ORC3: variants seen among roughly 807,000 people sequenced by gnomAD.
ORC3 encodes origin recognition complex subunit 3.
Under a neutral mutation model 100.7 loss-of-function variants are expected in ORC3, and 78 were observed. The ratio of observed to expected loss-of-function variants is 0.77; its 90% confidence interval spans 0.65 to 0.94. ORC3 has a LOEUF of 0.94. Ranked by LOEUF, ORC3 falls within the 40% of genes least tolerant of loss-of-function variation. The pLI is 0.00. For missense variants in ORC3, 789 were observed against 823.9 expected, an observed-to-expected ratio of 0.96 and a Z score of 0.52; for synonymous variants, 295 against 289.3, an observed-to-expected ratio of 1.02 and a Z score of -0.20.
downstream of ORC3, among the ~76,000 whole-genome samples, chr6:87,672,259 TGA>T (rs1770850473): frequency 6.6e-6 from 1 of 152,160 alleles, no homozygotes; most frequent in Admixed American, 6.5e-5. Context: ...TTTAGAAAAC[TGA>T]GTTTTGCTTT....
At chr6:87,653,937 A>C (rs766350383) in intron 14 of ORC3, among the ~76,000 whole-genome samples, 1 of 152,166 alleles carries the variant, frequency 6.6e-6, no homozygotes, top group Non-Finnish European at 1.5e-5. Flanking sequence ...CTAGCTTTTC[A>C]TGGGCTCTTC....
At chr6:87,653,000 T>C (rs1408920097) in intron 13 of ORC3, 116 bp from the exon 14 acceptor site, 2 of 770,634 alleles carry the variant, frequency 2.6e-6, no homozygotes, top group East Asian at 5.7e-5. Context: ...TAGCTACTAA[T>C]GAAGAATTTC....
chr6:87,668,565 A>T (rs2128298263), downstream of ORC3, among the ~76,000 whole-genome samples: 2 of 152,312 alleles, frequency 1.3e-5, no homozygotes, highest in South Asian at 4.1e-4. Flanking sequence ...GGAATGTAAA[A>T]GGAGGTATTA....
Position 87,590,174 on chromosome 6 carries a change from T to G in ORC3, c.6T>G (p.Ala2=). The G allele has an allele frequency of 6.2e-7, 1 of 1,614,168 alleles. No homozygotes were observed. Among genetic ancestry groups the G allele is most frequent in the Non-Finnish European group, 8.5e-7 (1 of 1,179,956 alleles). M[A]TSSMSKGCFV... The stretch of plus-strand genomic sequence containing the variant: ...TACGCAGAGTCAGTAAGACCATGGC[T>G]ACGTCCTCGATGTCTAAGGTATGTG... Residue 2 remains alanine (A), a synonymous_variant, in exon 1 of 20, where the codon GCT becomes GCG. Coordinates refer to ENST00000392844, the MANE Select transcript of ORC3 (RefSeq NM_012381.4).
chr6:87,630,868 C>G (rs1317363295), intron 11 of ORC3, among the ~76,000 whole-genome samples: 1 of 151,544 alleles, frequency 6.6e-6, no homozygotes, highest in African/African-American at 2.4e-5. Context: ...TTATGTATTG[C>G]TTTGCTTTTT....
At chr6:87,669,511 G>A (rs1471308596), downstream of ORC3, among the ~76,000 whole-genome samples, 1 of 152,170 alleles carries the variant, frequency 6.6e-6, no homozygotes, top group African/African-American at 2.4e-5. Flanking sequence ...ACAAATAGAA[G>A]CCTTGACACC....
Position 87,616,277 on chromosome 6 carries a change from C to G in ORC3, c.874-37C>G, listed in dbSNP as rs544371508. 7.8e-6 allele frequency: 6 copies of G among 770,034 alleles called. No individual in the cohort carries two copies. The South Asian group carries it at 8.9e-5, about 11-fold the overall frequency. 47.7% of individuals were successfully genotyped at this position (770,034 alleles called of 1,614,324 possible). On this transcript the variant is annotated intron_variant, in intron 8 of 19. Transcript: ENST00000392844. ...AGTATTTATGAAGAGTGAAGACTAA[C>G]AAGGAGTGTGTCCCCCTCCCTTTTA...
At chr6:87,614,232 G>A (rs879508068) in intron 8 of ORC3, among the ~76,000 whole-genome samples, 24 of 152,158 alleles carry the variant, frequency 1.6e-4, no homozygotes, top group East Asian at 5.8e-4. Context: ...CTCTGAAGCC[G>A]TGGCCCGAAC....
At chr6:87,616,187 C>G in intron 8 of ORC3, 127 bp from the exon 9 acceptor site, 1 of 424,952 alleles carries the variant, frequency 2.4e-6, no homozygotes, top group South Asian at 5.3e-5. Context: ...AAAAAACTAG[C>G]TATTATTGCA....
chr6:87,666,914 T>C (rs1770688896), intron 19 of ORC3, 104 bp from the exon 20 acceptor site: 2 of 632,052 alleles, frequency 3.2e-6, no homozygotes, highest in African/African-American at 1.9e-5. Flanking sequence ...AGTTTATATC[T>C]GAACTATCTA....
rs537005664 is a variant in ORC3 at position 87,636,047 on chromosome 6, C to T, written c.1303-360C>T. On this transcript the variant is annotated intron_variant, in intron 12 of 19. Coordinates refer to ENST00000392844, the MANE Select transcript of ORC3 (RefSeq NM_012381.4). ...GCAAGCTCCGCCTCCCAGGTTCACA[C>T]CATTCTCCTGCCTCAGCCTCCCAAG... Among the ~76,000 whole-genome samples the T allele has an allele frequency of 1.5e-4, 22 of 151,338 alleles. No homozygotes were observed. The South Asian group carries it at 4.6e-3, about 32-fold the overall frequency.
rs1562328706 is a variant in ORC3 at position 87,608,461 on chromosome 6, A to T, written c.580-635A>T. On this transcript the variant is annotated intron_variant, in intron 6 of 19. Transcript: ENST00000392844. ...TGTAGCCAGACAGTATGGGAAAAAA[A>T]ATACTGTGGTTACATTTTCCAATCA... Among the ~76,000 whole-genome samples the T allele has an allele frequency of 4.6e-5, 7 of 152,322 alleles. No individual in the cohort carries two copies. The South Asian group carries it at 1.4e-3, about 32-fold the overall frequency.
chr6:87,613,427 C>A (rs1778924910), intron 8 of ORC3, among the ~76,000 whole-genome samples: 1 of 152,144 alleles, frequency 6.6e-6, no homozygotes, highest in Admixed American at 6.6e-5. Context: ...ACAACCAAAC[C>A]ATATCATTCT....
rs116160201 is a variant in ORC3, at chr6:87,645,670, A to G, written c.1383-7446A>G. On this transcript the variant is annotated intron_variant, in intron 13 of 19. Transcript: ENST00000392844. Reference sequence around the variant, plus strand: ...CAAAAGATGTTTTCATTAGCCATGGATTGGCCAGTTTTTCCTTGTAGCCAG... The same window carrying G: ...CAAAAGATGTTTTCATTAGCCATGGGTTGGCCAGTTTTTCCTTGTAGCCAG... Among the ~76,000 whole-genome samples, 383 of 152,284 alleles carry G rather than the reference A, an allele frequency of 2.5e-3. 2 individuals are homozygous for G. Among genetic ancestry groups the G allele is most frequent in the African/African-American group, 8.7e-3 (361 of 41,570 alleles).
intron 15 of ORC3, 29 bp from the exon 16 acceptor site, chr6:87,657,891 AC>A: frequency 8.1e-7 from 1 of 1,235,560 alleles, no homozygotes; most frequent in Non-Finnish European, 1.2e-6. Flanking sequence ...TCTGAGGATC[AC>A]CAGAAAAGCT....
intron 9 of ORC3, among the ~76,000 whole-genome samples, chr6:87,619,570 C>T (rs1779393922): frequency 2.6e-5 from 4 of 152,144 alleles, no homozygotes; most frequent in Non-Finnish European, 5.9e-5. Flanking sequence ...CCACGCCTGG[C>T]TAATTTTGTA....
At chr6:87,615,212 A>G (rs558318878) in intron 8 of ORC3, among the ~76,000 whole-genome samples, 1 of 152,282 alleles carries the variant, frequency 6.6e-6, no homozygotes, top group Admixed American at 6.5e-5. Context: ...ATCAGGTTTC[A>G]TAAGACTTAT....
the ORC3 span, chr6:87,675,446 T>C: frequency 1.8e-5 from 19 of 1,070,710 alleles, no homozygotes; most frequent in Non-Finnish European, 2.5e-5. Context: ...CCAAAACCAG[T>C]TGCTGCTGCC....
chr6:87,630,149 G>A (rs1201471665), intron 11 of ORC3, among the ~76,000 whole-genome samples: 1 of 152,130 alleles, frequency 6.6e-6, no homozygotes, highest in Non-Finnish European at 1.5e-5. Flanking sequence ...AGAGACTGAG[G>A]CTGGGCACAG....
Sources: allele counts gnomAD v4.1 joint callset (sites outside exome capture counted in the v4.1 genomes callset), GRCh38; gene constraint gnomAD v4.1.1; transcripts MANE v1.5; gene names NCBI Gene and HGNC (gene_info 2026-07-23, HGNC 2026-07-21).